Variants in COL4A1 observed in about 807,000 individuals in gnomAD.
The protein encoded by COL4A1 is collagen type IV alpha 1 chain.
In COL4A1, 40 loss-of-function variants were observed where a neutral mutation model predicts 216.6. The ratio of observed to expected loss-of-function variants is 0.18; its 90% CI spans 0.14 to 0.24. The LOEUF (loss-of-function observed/expected upper bound fraction) is 0.24, where lower values mean the gene tolerates loss of function less well. COL4A1 is among the 10% of genes least tolerant of loss of function. COL4A1 has a pLI of 1.00. For missense variants in COL4A1, 1,628 were observed against 2,196.8 expected (o/e 0.74, Z 5.18); for synonymous variants, 839 against 810.7 (o/e 1.03, Z -0.59).
At chr13:110,162,921 G>C (rs1438329612) in intron 47 of COL4A1, among the ~76,000 whole-genome samples, 3 of 152,200 alleles carry the variant, frequency 2.0e-5, no homozygotes, top group Admixed American at 6.5e-5. Flanking sequence ...GAGCAGTAAG[G>C]GACCTCGCAG....
intron 1 of COL4A1, among the ~76,000 whole-genome samples, chr13:110,286,018 T>C (rs917868083): frequency 1.3e-5 from 2 of 152,296 alleles, no homozygotes; most frequent in African/African-American, 4.8e-5. Flanking sequence ...CAGATTCTCA[T>C]AGTGCAGAGG....
At chr13:110,163,808 G>A (rs1877198384) in intron 46 of COL4A1, among the ~76,000 whole-genome samples, 1 of 152,108 alleles carries the variant, frequency 6.6e-6, no homozygotes, top group Non-Finnish European at 1.5e-5. Context: ...CTGGTTTCTT[G>A]CTGTTTGGCA....
chr13:110,219,242 T>C (rs1034225788), intron 2 of COL4A1, among the ~76,000 whole-genome samples: 3 of 152,180 alleles, frequency 2.0e-5, no homozygotes, highest in Admixed American at 2.0e-4. Context: ...GAGGAAGGCG[T>C]GAGTGCTCAC....
rs1294557326 is a variant in COL4A1, at chr13:110,189,042, T to TTTTTG, written c.1537-1718_1537-1714dup. ...TTACAGTGACTACATTTGTTTTTGT[T>TTTTTG]TTTTGTTTTGTTTTGTTTTTTGCTT... On this transcript the variant is annotated intron_variant, in intron 24 of 51. Coordinates refer to ENST00000375820, the MANE Select transcript of COL4A1 (RefSeq NM_001845.6). Among the ~76,000 whole-genome samples, 3 of 152,142 alleles carry TTTTTG rather than the reference T, an allele frequency of 2.0e-5. No individual in the cohort carries two copies. In the South Asian group the frequency reaches 6.2e-4, roughly 32 times the overall value.
intron 1 of COL4A1, 151 bp downstream of exon 1, chr13:110,306,793 C>T (rs1884744452): frequency 3.2e-6 from 2 of 620,504 alleles, no homozygotes; most frequent in Non-Finnish European, 4.9e-6. Context: ...TACAGGGACC[C>T]CCAACGAACC....
chr13:110,207,812 G>A lies in COL4A1; in HGVS notation c.694-323C>T, dbSNP rs1031459280. Among the ~76,000 whole-genome samples, 3 of 152,138 alleles carry A rather than the reference G, an allele frequency of 2.0e-5. No homozygotes were observed. Among genetic ancestry groups the A allele is most frequent in the African/African-American group, 7.2e-5 (3 of 41,422 alleles). ...AGTGTATACTGGCTTCTGATGGCAC[G>A]GAGGAAAGGAATACAAACTACCTAA... is the stretch of plus-strand genomic sequence containing the variant. On this transcript the variant is annotated intron_variant, in intron 12 of 51. Coordinates refer to ENST00000375820, the MANE Select transcript of COL4A1 (RefSeq NM_001845.6). The surrounding 1 kb of genome is among the most constrained non-coding windows in gnomAD (Gnocchi z 4.4).
chr13:110,302,328 G>T (rs955758081), intron 1 of COL4A1, among the ~76,000 whole-genome samples: 3 of 152,032 alleles, frequency 2.0e-5, no homozygotes, highest in Admixed American at 2.0e-4. Context: ...TGAGATCAAA[G>T]CAAGACAGCC....
chr13:110,204,017 T>G (rs1351125918), intron 17 of COL4A1, among the ~76,000 whole-genome samples: 1 of 152,206 alleles, frequency 6.6e-6, no homozygotes, highest in Non-Finnish European at 1.5e-5. Flanking sequence ...CTTAAATAAA[T>G]CATTTTATAT....
chr13:110,268,106 C>T lies in COL4A1; in HGVS notation c.85-25372G>A, dbSNP rs779375471. ...TCCAGGAGGAAAGTTTGACAGACTG[C>T]TGTTAAGCACCTACAGTATACAAGA... is the stretch of plus-strand genomic sequence containing the variant. On this transcript the variant is annotated intron_variant, in intron 1 of 51. Coordinates refer to ENST00000375820, the MANE Select transcript of COL4A1 (RefSeq NM_001845.6). This position sits in a 1 kb window ranked among gnomAD's most constrained non-coding sequence, Gnocchi z 4.1. 4.6e-5 allele frequency among the ~76,000 whole-genome samples: 7 copies of T among 152,200 alleles called. No individual in the cohort carries two copies. The highest frequency in any genetic ancestry group is 8.8e-5 in the Non-Finnish European group (6 of 68,032).
At chr13:110,206,511 G>T in intron 15 of COL4A1, 154 bp downstream of exon 15, 1 of 860,010 alleles carries the variant, frequency 1.2e-6, no homozygotes, top group South Asian at 1.4e-5. Flanking sequence ...AACTGATATA[G>T]CTCAGGAGAG....
At chr13:110,250,349 G>A (rs1882017272) in intron 1 of COL4A1, among the ~76,000 whole-genome samples, 1 of 152,130 alleles carries the variant, frequency 6.6e-6, no homozygotes, top group Non-Finnish European at 1.5e-5. Flanking sequence ...GAGTTTGCAG[G>A]GCAGAAAGGC....
At chr13:110,245,337 CA>C (rs1466955195) in intron 1 of COL4A1, among the ~76,000 whole-genome samples, 7 of 152,316 alleles carry the variant, frequency 4.6e-5, no homozygotes, top group African/African-American at 1.7e-4. Context: ...TTTGGAAACA[CA>C]TCTCTGTTCT....
At chr13:110,272,272 T>C (rs750295087) in intron 1 of COL4A1, among the ~76,000 whole-genome samples, 1 of 152,218 alleles carries the variant, frequency 6.6e-6, no homozygotes. Context: ...CATTTTTCCA[T>C]AGACAGAGAA....
chr13:110,267,518 A>C (rs1001702425), intron 1 of COL4A1, among the ~76,000 whole-genome samples: 5 of 151,574 alleles, frequency 3.3e-5, no homozygotes, highest in African/African-American at 1.2e-4. Flanking sequence ...CACCCAGAAA[A>C]CTCCAAAGAG....
chr13:110,296,452 A>G (rs1293248931), intron 1 of COL4A1, among the ~76,000 whole-genome samples: 1 of 152,250 alleles, frequency 6.6e-6, no homozygotes, highest in African/African-American at 2.4e-5. Flanking sequence ...AGTACATACG[A>G]ATATCGATAG....
At chr13:110,212,056 C>T in intron 6 of COL4A1, 134 bp from the exon 7 acceptor site, 1 of 936,682 alleles carries the variant, frequency 1.1e-6, no homozygotes, top group Non-Finnish European at 1.8e-6. Context: ...TTGTCACAAG[C>T]TGTGCTACTG....
chr13:110,177,764 T>C, intron 33 of COL4A1, 78 bp downstream of exon 33: 1 of 1,460,188 alleles, frequency 6.8e-7, no homozygotes, highest in African/African-American at 1.4e-5. Flanking sequence ...AAATATGATC[T>C]ATGACAACTT....
At chr13:110,238,994 G>C (rs1881444004) in intron 2 of COL4A1, among the ~76,000 whole-genome samples, 1 of 152,124 alleles carries the variant, frequency 6.6e-6, no homozygotes, top group African/African-American at 2.4e-5. Context: ...GTCTCTGGAG[G>C]AGCACAGAGC....
chr13:110,222,084 C>A (rs1880509311), intron 2 of COL4A1, among the ~76,000 whole-genome samples: 1 of 152,176 alleles, frequency 6.6e-6, no homozygotes, highest in Admixed American at 6.5e-5. Flanking sequence ...CCGTAGACAC[C>A]CACCCTTCAT....
Sources: gnomAD v4.1 joint callset for allele counts (sites outside exome capture counted in the v4.1 genomes callset) on GRCh38, gnomAD v4.1.1 for gene constraint, Gnocchi (gnomAD v3.1) non-coding constraint, MANE v1.5 for transcripts, NCBI Gene and HGNC (gene_info 2026-07-23, HGNC 2026-07-21) for gene names.